The following ATP13A5 variants were observed in gnomAD, a reference collection of about 807,000 sequenced individuals.
ATP13A5 encodes ATPase 13A5.
ATP13A5 carries 149 observed loss-of-function variants against 150.2 expected under a neutral mutation model. The observed-to-expected ratio is 0.99, with a 90% CI of 0.87 to 1.14. The LOEUF is 1.14. Among genes scored for constraint, ATP13A5 ranks in the 50% most tolerant of loss-of-function variants. ATP13A5 has a pLI of 0.00. For synonymous variants in ATP13A5, 497 were observed against 522.2 expected (o/e 0.95, Z 0.66); for missense variants, 1,383 against 1,449.3 (o/e 0.95, Z 0.74).
In ATP13A5 at chr3:193,315,046, T is replaced by A. The variant is rs1328951501; in HGVS notation, c.2084A>T (p.Asn695Ile). The A allele has an allele frequency of 1.2e-6, 2 of 1,613,858 alleles. No individual in the cohort carries two copies. Among genetic ancestry groups the A allele is most frequent in the Non-Finnish European group, 1.7e-6 (2 of 1,179,834 alleles). Residue 695 changes from asparagine (N) to isoleucine (I), a missense_variant, in exon 18 of 30, where the codon AAT becomes ATT. Transcript: ENST00000342358. The part of the protein sequence containing the change: ...LTFLGLLIME[N>I]RLKKETKLVL... ...CAGTTTGGTTTCTTTTTTCAAGCGA[T>A]TCTCCATGATGAGAAGTCCCAGAAA...
At chr3:193,275,989 A>AACACTTAAGTTGAATG (rs1310231572) in intron 29 of ATP13A5, among the ~76,000 whole-genome samples, 2 of 152,202 alleles carry the variant, frequency 1.3e-5, no homozygotes, top group Non-Finnish European at 2.9e-5. Context: ...GCATCTCAAC[A>AACACTTAAGTTGAATG]ACACTTAAGT....
At chr3:193,315,447 G>C (rs1229233944) in intron 17 of ATP13A5, among the ~76,000 whole-genome samples, 3 of 151,930 alleles carry the variant, frequency 2.0e-5, no homozygotes, top group Non-Finnish European at 4.4e-5. Flanking sequence ...GCTTGCAATC[G>C]TTTCAGTTTA....
At chr3:193,353,976 T>C (rs1311998070) in intron 6 of ATP13A5, 151 bp downstream of exon 6, 2 of 597,408 alleles carry the variant, frequency 3.3e-6, no homozygotes, top group East Asian at 5.9e-5. Flanking sequence ...AATTTTAAAG[T>C]AAACCTGAGT....
Position 193,318,983 on chromosome 3 carries a change from T to C in ATP13A5, c.2033+8A>G. 1.2e-6 allele frequency: 2 copies of C among 1,605,134 alleles called. No individual in the cohort carries two copies. Among genetic ancestry groups the C allele is most frequent in the East Asian group, 2.2e-5 (1 of 44,790 alleles). On this transcript the variant is annotated splice_region_variant and intron_variant, in intron 17 of 29. Transcript: ENST00000342358. The stretch of plus-strand genomic sequence containing the variant: ...GCCTGCTCTAGTGCCAATTTCTGAA[T>C]TGCTTACCTGGCTAAGTGCTCGACT...
chr3:193,290,252 C>T (rs1717897754), intron 25 of ATP13A5, among the ~76,000 whole-genome samples, 193 bp from the exon 26 acceptor site: 1 of 152,096 alleles, frequency 6.6e-6, no homozygotes, highest in African/African-American at 2.4e-5. Context: ...CTTCCATGCT[C>T]TGTCTTCACC....
intron 23 of ATP13A5, among the ~76,000 whole-genome samples, chr3:193,302,022 GA>G (rs1213359082): frequency 2.6e-5 from 4 of 152,098 alleles, no homozygotes; most frequent in African/African-American, 7.2e-5. Flanking sequence ...CAGGTTAGAA[GA>G]AAAAAATGTG....
At chr3:193,293,373 A>G (rs905822016) in intron 25 of ATP13A5, among the ~76,000 whole-genome samples, 1 of 152,156 alleles carries the variant, frequency 6.6e-6, no homozygotes, top group Non-Finnish European at 1.5e-5. Flanking sequence ...ATGGTATTCA[A>G]AATTAATCAT....
chr3:193,374,213 T>A (rs1049847423), intron 1 of ATP13A5, among the ~76,000 whole-genome samples: 1 of 152,080 alleles, frequency 6.6e-6, no homozygotes, highest in African/African-American at 2.4e-5. Flanking sequence ...TATCGGTCAT[T>A]GAGAACGTTC....
In ATP13A5 at chr3:193,333,806, C is replaced by A; in HGVS notation, c.1216G>T (p.Ala406Ser). 2 of 1,613,914 alleles carry A rather than the reference C, an allele frequency of 1.2e-6. No individual in the cohort carries two copies. The highest frequency in any genetic ancestry group is 1.7e-6 in the Non-Finnish European group (2 of 1,179,888). The change falls in exon 11 of 30, where the codon GCC becomes TCC. Residue 406 changes from alanine (A) to serine (S), a missense_variant. Ala to Ser is a moderately conservative substitution (Grantham distance 99). This residue lies in a region of ATP13A5 where 787 missense variants were observed against 771.9 expected (regional missense o/e 1.02). Coordinates refer to ENST00000342358, the MANE Select transcript of ATP13A5 (RefSeq NM_198505.4). ...AAAAAACCCATGACACCAAGGCAGG[C>A]CAGGAACACGATGAACTTGAAGGCA... ...SDAFKFIVFL[A>S]CLGVMGFFYA...
Position 193,314,138 on chromosome 3 carries a change from T to C in ATP13A5, c.2214A>G (p.Pro738=), listed in dbSNP as rs781369649. The change falls in exon 19 of 30, where the codon CCA becomes CCG. Residue 738 remains proline (P), a synonymous_variant. Coordinates refer to ENST00000342358, the MANE Select transcript of ATP13A5 (RefSeq NM_198505.4). The part of the protein sequence containing the change: ...TVAKNSEMIP[P]GSQVIIVEAD... ...CCTCAACAATGATCACTTGGCTGCC[T>C]GGAGGGATCATTTCAGAATTCTTTG... 1 of 1,613,846 alleles carries C rather than the reference T, an allele frequency of 6.2e-7. No homozygotes were observed. The highest frequency in any genetic ancestry group is 1.1e-5 in the South Asian group (1 of 91,064).
At chr3:193,373,727 T>A (rs1401553435) in intron 1 of ATP13A5, among the ~76,000 whole-genome samples, 1 of 152,134 alleles carries the variant, frequency 6.6e-6, no homozygotes, top group Non-Finnish European at 1.5e-5. Context: ...GTATTGTTCT[T>A]AGGTAAAGAG....
At chr3:193,375,958 G>T (rs1713626117) in intron 1 of ATP13A5, among the ~76,000 whole-genome samples, 1 of 152,172 alleles carries the variant, frequency 6.6e-6, no homozygotes, top group Admixed American at 6.5e-5. Context: ...GATCACAACG[G>T]ATTGTTCACT....
intron 18 of ATP13A5, 135 bp downstream of exon 18, chr3:193,314,837 G>A (rs895114857): frequency 9.1e-6 from 10 of 1,101,162 alleles, no homozygotes; most frequent in African/African-American, 1.6e-5. Context: ...TTTTAGGTAA[G>A]GGACTACAGG....
Position 193,331,110 on chromosome 3 carries a change from G to A in ATP13A5, c.1461+13C>T, listed in dbSNP as rs1174055011. ...AAATCATTAACATTAAACCTGAGAAGTCTGGATCATACTTTGTCAAAGCAC... is the reference window on the plus strand; with the variant it reads ...AAATCATTAACATTAAACCTGAGAAATCTGGATCATACTTTGTCAAAGCAC... On this transcript the variant is annotated intron_variant, in intron 12 of 29. Coordinates refer to ENST00000342358, the MANE Select transcript of ATP13A5 (RefSeq NM_198505.4). 1 of 1,610,868 alleles carries A rather than the reference G, an allele frequency of 6.2e-7. No individual in the cohort carries two copies. The highest frequency in any genetic ancestry group is 1.3e-5 in the African/African-American group (1 of 74,824).
At chr3:193,304,222 A>G (rs190649142) in intron 23 of ATP13A5, among the ~76,000 whole-genome samples, 2 of 152,288 alleles carry the variant, frequency 1.3e-5, no homozygotes, top group East Asian at 1.9e-4. Context: ...CTGAACCTCA[A>G]TGGCAGACTC....
chr3:193,337,421 G>A (rs1008897715), intron 9 of ATP13A5, among the ~76,000 whole-genome samples: 3 of 152,162 alleles, frequency 2.0e-5, no homozygotes, highest in African/African-American at 7.2e-5. Flanking sequence ...TGTATAAGGT[G>A]TAAGGAAGGG....
chr3:193,315,319 A>G (rs901993334), intron 17 of ATP13A5, among the ~76,000 whole-genome samples: 1 of 152,150 alleles, frequency 6.6e-6, no homozygotes, highest in African/African-American at 2.4e-5. Flanking sequence ...TGTTTTTTCC[A>G]GTTTCCAACT....
At chr3:193,301,082 G>A in intron 24 of ATP13A5, 129 bp downstream of exon 24, 2 of 792,568 alleles carry the variant, frequency 2.5e-6, no homozygotes, top group Non-Finnish European at 4.2e-6. Flanking sequence ...TCCTGAGTTT[G>A]CAGACACCTA....
chr3:193,283,647 A>G (rs1256584596), intron 27 of ATP13A5, among the ~76,000 whole-genome samples: 1 of 152,148 alleles, frequency 6.6e-6, no homozygotes, highest in African/African-American at 2.4e-5. Flanking sequence ...AACTGATAGA[A>G]GTGAAAATCA....
Sources: allele counts gnomAD v4.1 joint callset (sites outside exome capture counted in the v4.1 genomes callset), GRCh38; gene constraint gnomAD v4.1.1; regional missense constraint gnomAD v4.1.1; transcripts MANE v1.5; gene names NCBI Gene and HGNC (gene_info 2026-07-23, HGNC 2026-07-21).